ANKRD23: variants seen among roughly 807,000 people sequenced by gnomAD.
ANKRD23 encodes the protein ankyrin repeat domain-containing protein 23.
Under a neutral mutation model 38.1 loss-of-function variants are expected in ANKRD23, and 52 were observed. The observed-to-expected ratio is 1.36, with a 90% CI of 1.09 to 1.72. ANKRD23 has a LOEUF of 1.72. ANKRD23 is among the 40% of genes most tolerant of loss of function. The pLI is 0.00. For synonymous variants in ANKRD23, 167 were observed against 162.9 expected, an observed-to-expected ratio of 1.03 and a Z score of -0.19; for missense variants, 416 against 400.2, an observed-to-expected ratio of 1.04 and a Z score of -0.34.
intron 1 of ANKRD23, 96 bp downstream of exon 1, chr2:96,843,870 C>A (rs2079786871): frequency 7.8e-7 from 1 of 1,274,948 alleles, no homozygotes; most frequent in African/African-American, 1.5e-5. Context: ...AGACTTGACC[C>A]TCACACCACA....
intron 1 of ANKRD23, among the ~76,000 whole-genome samples, chr2:96,842,907 T>C (rs778073199): frequency 1.1e-4 from 17 of 152,188 alleles, no homozygotes; most frequent in Non-Finnish European, 2.5e-4. Context: ...GACTGCCACC[T>C]GACTCCAAGC....
chr2:96,840,961 C>A (rs372587786), intron 3 of ANKRD23, 49 bp from the exon 4 acceptor site: 3 of 1,599,200 alleles, frequency 1.9e-6, no homozygotes, highest in East Asian at 2.2e-5. Flanking sequence ...GCCGCAGGTG[C>A]CCAAGATGTC....
At chr2:96,841,425 T>G (rs2153358743) in intron 3 of ANKRD23, among the ~76,000 whole-genome samples, 1 of 151,258 alleles carries the variant, frequency 6.6e-6, no homozygotes, top group South Asian at 2.1e-4. Context: ...TGAAACCCCA[T>G]CTCTACTAAA....
chr2:96,840,424 G>A lies in ANKRD23; in HGVS notation c.517C>T (p.Arg173Ter), dbSNP rs781137462. Residue 173 changes from arginine (R) to a stop codon, truncating the protein, a stop_gained, in exon 5 of 9, where the codon CGA (arginine) becomes TGA (stop). Transcript: ENST00000318357. LOFTEE classifies it high-confidence loss of function. ...CCTTTCCCCATCCTCACCAAGTCTC[G>A]CGCGTCCACTGTGGCACCTGCCACC... ...LLVAGATVDA[R>*]DLLDRTPVFW... The A allele has an allele frequency of 2.1e-5, 34 of 1,614,002 alleles. No individual in the cohort carries two copies. In the Middle Eastern group the frequency reaches 6.6e-4, roughly 31 times the overall value.
At chr2:96,843,881 G>C in intron 1 of ANKRD23, 85 bp downstream of exon 1, 1 of 1,393,402 alleles carries the variant, frequency 7.2e-7, no homozygotes, top group Non-Finnish European at 9.9e-7. Flanking sequence ...TCACACCACA[G>C]AAAGAAGCTG....
In ANKRD23 at chr2:96,838,791, G is replaced by T; in HGVS notation, c.*758C>A. 1.0e-6 allele frequency: 1 copy of T among 985,538 alleles called. No homozygotes were observed. The highest frequency in any genetic ancestry group is 1.2e-6 in the Non-Finnish European group (1 of 830,006). The allele number at this position is 985,538 out of a possible 1,614,324, so 61.0% of individuals were successfully genotyped here. A position where few individuals can be genotyped will look rare whatever the true frequency, so the allele number is the denominator to read the frequency against. On this transcript the variant is annotated 3_prime_UTR_variant, in exon 9 of 9. Coordinates refer to ENST00000318357, the MANE Select transcript of ANKRD23 (RefSeq NM_144994.8). ...CGGGGCCAGTACACAGTGGGTGCGA[G>T]GCTTCTCTCAAATGCGCGCTCCAGC...
At position 96,838,365 on chromosome 2, in the gene ANKRD23, CCAG is replaced by C; in HGVS notation, c.*1181_*1183del. ...TCTGGCGTTTAGGGGCCCAGCCCCA[CCAG>C]CAGTACAGGCCTACACCAGTGTAAT... is the stretch of plus-strand genomic sequence containing the variant. On this transcript the variant is annotated 3_prime_UTR_variant, in exon 9 of 9. Coordinates refer to ENST00000318357, the MANE Select transcript of ANKRD23 (RefSeq NM_144994.8). 1 of 988,168 alleles carries C rather than the reference CCAG, an allele frequency of 1.0e-6. No individual in the cohort carries two copies. 61.2% of individuals were successfully genotyped at this position (988,168 alleles called of 1,614,324 possible).
In ANKRD23 at chr2:96,839,106, G is replaced by C; in HGVS notation, c.*443C>G. ...ATCCTGGATGGCATCTGCCGGCCAC[G>C]GGCTGAGTCCCCACACACACAGACT... On this transcript the variant is annotated 3_prime_UTR_variant, in exon 9 of 9. Transcript: ENST00000318357. The C allele has an allele frequency of 1.0e-6, 1 of 991,300 alleles. No homozygotes were observed. Among genetic ancestry groups the C allele is most frequent in the Non-Finnish European group, 1.2e-6 (1 of 834,198 alleles). 61.4% of individuals were successfully genotyped at this position (991,300 alleles called of 1,614,324 possible).
chr2:96,840,423 C>T lies in ANKRD23; in HGVS notation c.518G>A (p.Arg173Gln), dbSNP rs554610108. 7.9e-4 allele frequency: 1,271 copies of T among 1,614,032 alleles called. 20 individuals are homozygous for T. In the South Asian group the frequency reaches 0.013, roughly 17 times the overall value. The change falls in exon 5 of 9, where the codon CGA becomes CAA. Residue 173 changes from arginine (R) to glutamine (Q), a missense_variant. Arg to Gln is a conservative substitution (Grantham distance 43, BLOSUM62 1). Transcript: ENST00000318357. ...LLVAGATVDA[R>Q]DLLDRTPVFW... ...GCCTTTCCCCATCCTCACCAAGTCT[C>T]GCGCGTCCACTGTGGCACCTGCCAC...
chr2:96,843,909 GCCT>G, intron 1 of ANKRD23, 54 bp downstream of exon 1: 5 of 1,572,110 alleles, frequency 3.2e-6, no homozygotes, highest in East Asian at 2.3e-5. Flanking sequence ...TCTCTAGCCA[GCCT>G]CCTCCTATCA....
In ANKRD23 at chr2:96,840,931, A is replaced by C. The variant is rs764968089; in HGVS notation, c.301-19T>G. The C allele has an allele frequency of 3.2e-5, 51 of 1,612,392 alleles. No homozygotes were observed. Among genetic ancestry groups the C allele is most frequent in the Non-Finnish European group, 4.2e-5 (49 of 1,179,276 alleles). On this transcript the variant is annotated intron_variant, in intron 3 of 8. Transcript: ENST00000318357. ...ACTGCGGCTGGTTCAGTTGAAGACAAGACCAAATCACTCCCGAAGGCCGCA... is the reference window on the plus strand; with the variant it reads ...ACTGCGGCTGGTTCAGTTGAAGACACGACCAAATCACTCCCGAAGGCCGCA...
intron 1 of ANKRD23, 139 bp downstream of exon 1, chr2:96,843,827 T>G: frequency 1.2e-6 from 1 of 842,828 alleles, no homozygotes; most frequent in Non-Finnish European, 1.8e-6. Flanking sequence ...AATACAGATT[T>G]TTATAAAAGA....
In ANKRD23 at chr2:96,839,332, AACGCG is replaced by A; in HGVS notation, c.*212_*216del. ...GTCCTCTGCTCCAGCCCTGGGAGGG[AACGCG>A]GCTCCCCTGACACTCGAAGCCAGGG... On this transcript the variant is annotated 3_prime_UTR_variant, in exon 9 of 9. Transcript: ENST00000318357. The A allele has an allele frequency of 8.0e-7, 1 of 1,248,156 alleles. No homozygotes were observed. Among genetic ancestry groups the A allele is most frequent in the Non-Finnish European group, 1.0e-6 (1 of 998,342 alleles). 77.3% of individuals were successfully genotyped at this position (1,248,156 alleles called of 1,614,324 possible).
At position 96,840,318 on chromosome 2, in the gene ANKRD23, G is replaced by A. The variant is rs1410529778; in HGVS notation, c.538C>T (p.Pro180Ser). 1.9e-6 allele frequency: 3 copies of A among 1,607,706 alleles called. No homozygotes were observed. The highest frequency in any genetic ancestry group is 2.2e-5 in the East Asian group (1 of 44,722). The change falls in exon 6 of 9, where the codon CCT becomes TCT. Residue 180 changes from proline to serine, a missense_variant. Physicochemically the swap from Pro to Ser is moderately conservative, Grantham distance 74. Transcript: ENST00000318357. ...VDARDLLDRT[P>S]VFWACRGGHL... ...CCTCCGCGGCAGGCCCAGAACACAG[G>A]TGTCCTGTCCAGCTGCAAAACAAAA...
Position 96,839,467 on chromosome 2 carries a change from A to G in ANKRD23, c.*82T>C. The G allele has an allele frequency of 2.2e-6, 3 of 1,380,248 alleles. No individual in the cohort carries two copies. The highest frequency in any genetic ancestry group is 1.8e-5 in the South Asian group (1 of 56,542). The allele number at this position is 1,380,248 out of a possible 1,614,324, so 85.5% of individuals were successfully genotyped here. A position where few individuals can be genotyped will look rare whatever the true frequency, so the allele number is the denominator to read the frequency against. ...GGAGGAACCAGGGCTGAGGGCAGGA[A>G]CCACAGAGGTGCAGACGCGGGGGCG... On this transcript the variant is annotated 3_prime_UTR_variant, in exon 9 of 9. Coordinates refer to ENST00000318357, the MANE Select transcript of ANKRD23 (RefSeq NM_144994.8).
intron 3 of ANKRD23, 150 bp from the exon 4 acceptor site, chr2:96,841,062 C>T (rs537517981): frequency 1.1e-4 from 102 of 908,730 alleles, no homozygotes; most frequent in Non-Finnish European, 1.3e-4. Context: ...TCTAATCCCA[C>T]GCCAGGAGAT....
chr2:96,843,587 T>G (rs905530313), intron 1 of ANKRD23, among the ~76,000 whole-genome samples: 1 of 152,176 alleles, frequency 6.6e-6, no homozygotes, highest in Non-Finnish European at 1.5e-5. Flanking sequence ...CTCACTGAAC[T>G]CAAGGATTTT....
Position 96,842,189 on chromosome 2 carries a change from G to T in ANKRD23, c.175-4C>A, listed in dbSNP as rs1559022150. On this transcript the variant is annotated splice_polypyrimidine_tract_variant and splice_region_variant and intron_variant, in intron 2 of 8. Transcript: ENST00000318357. ...TGGTACTGTTAAATCTTTCAAGCTG[G>T]GGCAGAAGACAAGACCATGCCAGCC... The T allele has an allele frequency of 1.2e-6, 2 of 1,614,024 alleles. No homozygotes were observed. Among genetic ancestry groups the T allele is most frequent in the South Asian group, 2.2e-5 (2 of 91,070 alleles).
At position 96,839,230 on chromosome 2, in the gene ANKRD23, C is replaced by T. The variant is rs2079728180; in HGVS notation, c.*319G>A. 23 of 1,113,118 alleles carry T rather than the reference C, an allele frequency of 2.1e-5. No homozygotes were observed. The highest frequency in any genetic ancestry group is 2.4e-5 in the Non-Finnish European group (22 of 913,076). The allele number at this position is 1,113,118 out of a possible 1,614,324, so 69.0% of individuals were successfully genotyped here. A position where few individuals can be genotyped will look rare whatever the true frequency, so the allele number is the denominator to read the frequency against. On this transcript the variant is annotated 3_prime_UTR_variant, in exon 9 of 9. Coordinates refer to ENST00000318357, the MANE Select transcript of ANKRD23 (RefSeq NM_144994.8). ...GGTGGCTCCAGCTTGGGACTGCTCC[C>T]TTAAGGCTCGTTCTTGGCCCTCACT...
Sources: allele counts gnomAD v4.1 joint callset (sites outside exome capture counted in the v4.1 genomes callset), GRCh38; gene constraint gnomAD v4.1.1; transcripts MANE v1.5; gene names NCBI Gene and HGNC (gene_info 2026-07-23, HGNC 2026-07-21).